The following SLC44A1 variants were observed in gnomAD, a reference collection of about 807,000 sequenced individuals.
SLC44A1 encodes solute carrier family 44 member 1.
In SLC44A1, 26 loss-of-function variants were observed where a neutral mutation model predicts 79.3. The observed-to-expected ratio is 0.33, with a 90% CI of 0.24 to 0.46. The LOEUF (loss-of-function observed/expected upper bound fraction) is 0.46. Ranked by LOEUF, SLC44A1 falls within the 20% of genes least tolerant of loss-of-function variation. The probability of loss-of-function intolerance (pLI) is 1.00; values close to 1 mark genes in which losing one functional copy is unlikely to be tolerated. For missense variants in SLC44A1, 688 were observed against 798.1 expected (o/e 0.86, Z 1.66); for synonymous variants, 263 against 286.2 (o/e 0.92, Z 0.82).
At chr9:105,263,232 A>G (rs539768410) in intron 1 of SLC44A1, among the ~76,000 whole-genome samples, 1 of 152,310 alleles carries the variant, frequency 6.6e-6, no homozygotes, top group East Asian at 1.9e-4. Context: ...TTCCTGAGGC[A>G]TTTGTTCTAC....
rs1477440111 is a variant in SLC44A1, at chr9:105,362,938, T to C, written c.1018T>C (p.Trp340Arg). ...HLPLLVFQPF[W>R]TFFALVLFWV... The stretch of plus-strand genomic sequence containing the variant: ...GCCACTGCTAGTCTTCCAACCCTTC[T>C]GGACTTTCTTTGCTCTTGTCTTGTT... Residue 340 changes from tryptophan to arginine, a missense_variant, in exon 9 of 16, where the codon TGG becomes CGG. Physicochemically the swap from Trp to Arg is moderately radical, Grantham distance 101. Transcript: ENST00000374720. 6.2e-7 allele frequency: 1 copy of C among 1,614,036 alleles called. No homozygotes were observed.
rs1404220954 is a variant in SLC44A1, at chr9:105,420,722, G to A, written c.1951-17559G>A. 3.3e-5 allele frequency among the ~76,000 whole-genome samples: 5 copies of A among 151,852 alleles called. No individual in the cohort carries two copies. The South Asian group carries it at 6.3e-4, about 19-fold the overall frequency. On this transcript the variant is annotated intron_variant, in intron 15 of 15. Transcript: ENST00000374724. ...ACTAAAAATACAAAATTAGCCGGGCGTGGTGACACATGCCTGTAATCACAG... is the reference window on the plus strand; with the variant it reads ...ACTAAAAATACAAAATTAGCCGGGCATGGTGACACATGCCTGTAATCACAG...
intron 15 of SLC44A1, among the ~76,000 whole-genome samples, chr9:105,420,234 G>A (rs1829228122): frequency 6.6e-6 from 1 of 152,164 alleles, no homozygotes; most frequent in Non-Finnish European, 1.5e-5. Flanking sequence ...AGGAACAGAG[G>A]AAAGAGGCCA....
At chr9:105,427,535 A>G (rs999500064) in intron 15 of SLC44A1, among the ~76,000 whole-genome samples, 5 of 152,088 alleles carry the variant, frequency 3.3e-5, no homozygotes, top group Non-Finnish European at 5.9e-5. Flanking sequence ...TCAGCCTCCC[A>G]AAATGCCAGG....
At chr9:105,341,312 G>A (rs1373090899) in intron 4 of SLC44A1, among the ~76,000 whole-genome samples, 2 of 141,294 alleles carry the variant, frequency 1.4e-5, no homozygotes, top group African/African-American at 5.5e-5. Context: ...TCCAGCCTGG[G>A]CAACAAGAAC....
chr9:105,426,871 C>T (rs1374215193), intron 15 of SLC44A1, among the ~76,000 whole-genome samples: 1 of 151,812 alleles, frequency 6.6e-6, no homozygotes, highest in East Asian at 1.9e-4. Flanking sequence ...AAATAATATT[C>T]TCATGACCCA....
Position 105,265,126 on chromosome 9 carries a change from C to G in SLC44A1, c.36+20222C>G, listed in dbSNP as rs540334733. On this transcript the variant is annotated intron_variant, in intron 1 of 15. Transcript: ENST00000374720. ...TTTCTTGTATTGGATTCCCAATTAT[C>G]TGGATCCCATGTGCTTTTTTAGTTT... Among the ~76,000 whole-genome samples, 175 of 152,302 alleles carry G rather than the reference C, an allele frequency of 1.1e-3. 1 individual carries two copies. The highest frequency in any genetic ancestry group is 1.8e-3 in the Non-Finnish European group (121 of 68,026).
At chr9:105,294,751 A>C (rs923002464) in intron 1 of SLC44A1, 2 of 151,558 alleles carry the variant, frequency 1.3e-5, no homozygotes, top group African/African-American at 4.8e-5. Flanking sequence ...ATTTTTTTCA[A>C]ATATTTCCTC....
intron 4 of SLC44A1, among the ~76,000 whole-genome samples, chr9:105,336,491 G>A (rs897797003): frequency 1.3e-5 from 2 of 151,984 alleles, no homozygotes; most frequent in Non-Finnish European, 2.9e-5. Flanking sequence ...TCAGAGAATC[G>A]TTTTTTTAAC....
intron 1 of SLC44A1, among the ~76,000 whole-genome samples, chr9:105,295,383 A>G (rs759191711): frequency 6.6e-6 from 1 of 152,212 alleles, no homozygotes; most frequent in Non-Finnish European, 1.5e-5. Context: ...CCTGGTATTA[A>G]TCTCATGTGG....
Position 105,377,489 on chromosome 9 carries a change from G to A in SLC44A1, c.1632+2754G>A, listed in dbSNP as rs62575081. Among the ~76,000 whole-genome samples the A allele has an allele frequency of 1.6e-3, 248 of 152,090 alleles. 2 individuals carry two copies. Among genetic ancestry groups the A allele is most frequent in the South Asian group, 0.011 (55 of 4,818 alleles). ...AGATGAGTTGGGCGCGGTGGCTCAT[G>A]CCTATAATCCCAGCACTTTGGGAGG... On this transcript the variant is annotated intron_variant, in intron 13 of 15. Transcript: ENST00000374720.
At chr9:105,353,654 AAAAAG>A (rs1268916915) in intron 5 of SLC44A1, among the ~76,000 whole-genome samples, 1 of 152,192 alleles carries the variant, frequency 6.6e-6, no homozygotes, top group African/African-American at 2.4e-5. Flanking sequence ...GCCTAGCAGG[AAAAAG>A]AAAACAGGAA....
chr9:105,386,290 A>G, intron 15 of SLC44A1: 14 of 949,870 alleles, frequency 1.5e-5, no homozygotes, highest in Non-Finnish European at 1.8e-5. Flanking sequence ...TCTATCATAT[A>G]TTGGTCTAAT....
rs1313038382 is a variant in SLC44A1 at position 105,383,142 on chromosome 9, C to T, written c.1652C>T (p.Thr551Ile). Reference sequence around the variant, plus strand: ...CTTCAGGTGCTGATAGTCTGCAGCACAGGTTTAGCTGGGATTATGCTGCTC... The same window carrying T: ...CTTCAGGTGCTGATAGTCTGCAGCATAGGTTTAGCTGGGATTATGCTGCTC... ...FLGKVLIVCS[T>I]GLAGIMLLNY... Residue 551 changes from threonine (T) to isoleucine (I), a missense_variant, in exon 14 of 16, where the codon ACA becomes ATA. Physicochemically the swap from Thr to Ile is moderately conservative, Grantham distance 89. Transcript: ENST00000374720. The T allele has an allele frequency of 1.2e-6, 2 of 1,613,432 alleles. No individual in the cohort carries two copies. Among genetic ancestry groups the T allele is most frequent in the South Asian group, 1.1e-5 (1 of 91,062 alleles).
chr9:105,420,584 G>A (rs903966979), intron 15 of SLC44A1, among the ~76,000 whole-genome samples: 16 of 152,026 alleles, frequency 1.1e-4, no homozygotes, highest in African/African-American at 2.9e-4. Flanking sequence ...GTTCTAGGCC[G>A]GGTATGGTGG....
In SLC44A1 at chr9:105,390,725, T is replaced by G; in HGVS notation, c.*1669T>G. The G allele has an allele frequency of 9.1e-6, 9 of 985,640 alleles. No individual in the cohort carries two copies. Among genetic ancestry groups the G allele is most frequent in the Non-Finnish European group, 1.1e-5 (9 of 829,780 alleles). 61.1% of individuals were successfully genotyped at this position (985,640 alleles called of 1,614,324 possible). On this transcript the variant is annotated 3_prime_UTR_variant, in exon 16 of 16. Transcript: ENST00000374720. ...TAAATGCCTTGGTTTCTTTTAAAAG[T>G]TCATGTAATATTTCTGATTTTTCAG...
intron 1 of SLC44A1, among the ~76,000 whole-genome samples, chr9:105,279,387 G>A (rs995651214): frequency 6.8e-6 from 1 of 146,370 alleles, no homozygotes; most frequent in African/African-American, 2.5e-5. Flanking sequence ...GCACAATTTC[G>A]GCTCACTGCA....
At chr9:105,422,281 C>CTTTTTTTT (rs554922812) in intron 15 of SLC44A1, among the ~76,000 whole-genome samples, 1 of 95,908 alleles carries the variant, frequency 1.0e-5, no homozygotes, top group Non-Finnish European at 2.0e-5. Context: ...CTGCTCCATC[C>CTTTTTTTT]TTTTTTTTTT....
intron 4 of SLC44A1, among the ~76,000 whole-genome samples, chr9:105,341,248 T>C (rs1192934041): frequency 6.6e-6 from 1 of 151,454 alleles, no homozygotes; most frequent in African/African-American, 2.4e-5. Flanking sequence ...GATAGGAGAA[T>C]TGCTTGAACC....
Sources: allele counts gnomAD v4.1 joint callset (sites outside exome capture counted in the v4.1 genomes callset), GRCh38; gene constraint gnomAD v4.1.1; transcripts MANE v1.5; gene names NCBI Gene and HGNC (gene_info 2026-07-23, HGNC 2026-07-21).